RAPGEF3: variants seen among roughly 807,000 people sequenced by gnomAD.
RAPGEF3 encodes the protein 9330170P05Rik.
Under a neutral mutation model 129.8 loss-of-function variants are expected in RAPGEF3, and 103 were observed. The ratio of observed to expected loss-of-function variants is 0.79; its 90% CI spans 0.68 to 0.93. The LOEUF is 0.93. RAPGEF3 is among the 40% of genes least tolerant of loss of function. The pLI is 0.00. For missense variants in RAPGEF3, 1,117 were observed against 1,207.4 expected (o/e 0.93, Z 1.11); for synonymous variants, 436 against 482.6 (o/e 0.90, Z 1.26).
At chr12:47,744,538 C>T (rs577727880) in intron 16 of RAPGEF3, 19 of 177,328 alleles carry the variant, frequency 1.1e-4, no homozygotes, top group South Asian at 2.2e-4. Flanking sequence ...CAAAGCCACA[C>T]AGCTGCTAAC....
intron 12 of RAPGEF3, 47 bp downstream of exon 12, chr12:47,748,407 G>T: frequency 6.5e-7 from 1 of 1,548,072 alleles, no homozygotes; most frequent in Admixed American, 1.7e-5. Context: ...AGGCTCCATG[G>T]ACCACCCAAT....
At chr12:47,741,907 A>G (rs958467051) in intron 18 of RAPGEF3, 4 of 405,252 alleles carry the variant, frequency 9.9e-6, no homozygotes, top group African/African-American at 2.0e-5. Context: ...ACTTGCCCCA[A>G]CTATTTCATA....
In RAPGEF3 at chr12:47,737,697, G is replaced by C. The variant is rs1258330842; in HGVS notation, c.2654-12C>G. ...GGACTGCTCCGAGCCTGGTGGAGGA[G>C]AGTAGTCAGGGAGGCACTGATGCCC... On this transcript the variant is annotated splice_polypyrimidine_tract_variant and intron_variant, in intron 27 of 27. Transcript: ENST00000449771. 1 of 1,610,678 alleles carries C rather than the reference G, an allele frequency of 6.2e-7. No homozygotes were observed. The highest frequency in any genetic ancestry group is 8.5e-7 in the Non-Finnish European group (1 of 1,177,736).
At chr12:47,748,261 G>A in intron 12 of RAPGEF3, 109 bp from the exon 13 acceptor site, 2 of 1,053,214 alleles carry the variant, frequency 1.9e-6, no homozygotes, top group Non-Finnish European at 2.8e-6. Context: ...CACCTGCAAG[G>A]TCCCAGCAGT....
At chr12:47,752,140 G>A (rs1042594353) in intron 2 of RAPGEF3, among the ~76,000 whole-genome samples, 171 bp from the exon 3 acceptor site, 8 of 152,020 alleles carry the variant, frequency 5.3e-5, no homozygotes, top group South Asian at 2.1e-4. Context: ...CCTGTGCCCC[G>A]GGCATCGCCT....
chr12:47,739,357 G>A, intron 23 of RAPGEF3, 127 bp from the exon 24 acceptor site: 2 of 766,070 alleles, frequency 2.6e-6, no homozygotes, highest in Admixed American at 2.0e-5. Context: ...CCTCTCCTCA[G>A]CCCCAGGTCT....
chr12:47,749,991 C>A lies in RAPGEF3; in HGVS notation c.757-1G>T. The A allele has an allele frequency of 6.2e-7, 1 of 1,614,240 alleles. No individual in the cohort carries two copies. Among genetic ancestry groups the A allele is most frequent in the Non-Finnish European group, 8.5e-7 (1 of 1,180,052 alleles). ...GAACAGCCGCTAATTCTCGCTTCACCTGTGTGGTGGAGATAGGAGAGTCGG... is the reference window on the plus strand; with the variant it reads ...GAACAGCCGCTAATTCTCGCTTCACATGTGTGGTGGAGATAGGAGAGTCGG... On this transcript the variant is annotated splice_acceptor_variant, in intron 7 of 27. Coordinates refer to ENST00000449771, the MANE Select transcript of RAPGEF3 (RefSeq NM_001098531.4). LOFTEE classifies it high-confidence loss of function. This position sits in a 1 kb window ranked among gnomAD's most constrained non-coding sequence, Gnocchi z 4.5.
chr12:47,755,311 G>A (rs1941989667), intron 2 of RAPGEF3, among the ~76,000 whole-genome samples: 1 of 152,176 alleles, frequency 6.6e-6, no homozygotes, highest in Non-Finnish European at 1.5e-5. Context: ...GCTGTTGTGA[G>A]AATTATTTGA....
Position 47,749,560 on chromosome 12 carries a change from C to CCCGCACCTG in RAPGEF3, c.895-25_895-24insCAGGTGCGG. On this transcript the variant is annotated intron_variant, in intron 9 of 27. Transcript: ENST00000449771. This position sits in a 1 kb window ranked among gnomAD's most constrained non-coding sequence, Gnocchi z 4.5. The stretch of plus-strand genomic sequence containing the variant: ...CCCTGCAGCCAGGCCTCAGTCTCAG[C>CCCGCACCTG]CCGCCCCTGCCGCCCCTGCCGCCCC... 6.3e-7 allele frequency: 1 copy of CCCGCACCTG among 1,584,774 alleles called. No individual in the cohort carries two copies. The highest frequency in any genetic ancestry group is 8.6e-7 in the Non-Finnish European group (1 of 1,169,408).
rs1454041060 is a variant in RAPGEF3 at position 47,736,443 on chromosome 12, T to TC, written c.*1123dup. ...GCAATAGCAAGGCAAGAGGGTGGAG[T>TC]CCCTGGAGCTTCCTGGGTGAGCTCT... On this transcript the variant is annotated 3_prime_UTR_variant, in exon 28 of 28. Transcript: ENST00000449771. 1 of 152,018 alleles carries TC rather than the reference T, an allele frequency of 6.6e-6. No homozygotes were observed. The highest frequency in any genetic ancestry group is 2.4e-5 in the African/African-American group (1 of 41,358). 9.4% of individuals were successfully genotyped at this position (152,018 alleles called of 1,614,324 possible).
In RAPGEF3 at chr12:47,748,073, T is replaced by C. The variant is rs1941528835; in HGVS notation, c.1322+1A>G. 1 of 1,579,916 alleles carries C rather than the reference T, an allele frequency of 6.3e-7. No individual in the cohort carries two copies. Among genetic ancestry groups the C allele is most frequent in the Non-Finnish European group, 8.6e-7 (1 of 1,161,322 alleles). Reference sequence around the variant, plus strand: ...CCATCCCCCTGGAGCTGGAAGGATATTGGTGCAGAAGGGCAGCGCAGAGTT... The same window carrying C: ...CCATCCCCCTGGAGCTGGAAGGATACTGGTGCAGAAGGGCAGCGCAGAGTT... On this transcript the variant is annotated splice_donor_variant, in intron 13 of 27. Transcript: ENST00000449771. LOFTEE classifies it high-confidence loss of function.
chr12:47,749,729 G>A lies in RAPGEF3; in HGVS notation c.894+12C>T, dbSNP rs368424168. 1.2e-6 allele frequency: 2 copies of A among 1,614,068 alleles called. No individual in the cohort carries two copies. The highest frequency in any genetic ancestry group is 2.7e-5 in the African/African-American group (2 of 75,054). On this transcript the variant is annotated intron_variant, in intron 9 of 27. Coordinates refer to ENST00000449771, the MANE Select transcript of RAPGEF3 (RefSeq NM_001098531.4). The surrounding 1 kb of genome is among the most constrained non-coding windows in gnomAD (Gnocchi z 4.5). ...ACCCAGGGCACTGGGGTGGGGAGGA[G>A]GGAGGGCTCACCTTGCCATGGGTCA... is the stretch of plus-strand genomic sequence containing the variant.
At position 47,749,796 on chromosome 12, in the gene RAPGEF3, C is replaced by T. The variant is rs912774535; in HGVS notation, c.839G>A (p.Gly280Asp). 2 of 1,614,226 alleles carry T rather than the reference C, an allele frequency of 1.2e-6. No individual in the cohort carries two copies. Among genetic ancestry groups the T allele is most frequent in the Non-Finnish European group, 1.7e-6 (2 of 1,180,048 alleles). The change falls in exon 9 of 28, where the codon GGC (glycine) becomes GAC (aspartate). Residue 280 changes from glycine (G) to aspartate (D), a missense_variant. Transcript: ENST00000449771. This position sits in a 1 kb window ranked among gnomAD's most constrained non-coding sequence, Gnocchi z 4.5. ...CTTCCAGATAATGTACCACGAAGTG[C>T]CCTTGTCCCCCTGGCTGAACACTGA... ...GTVLFSQGDK[G>D]TSWYIIWKGS... is the part of the protein sequence containing the mutation.
rs1156953308 is a variant in RAPGEF3, at chr12:47,752,087, T to C, written c.220-118A>G. Reference sequence around the variant, plus strand: ...TAGGCCCCAACCCCAAATGCATCCATGTGGCCACTCCTTCAGCAAATAAAC... The same window carrying C: ...TAGGCCCCAACCCCAAATGCATCCACGTGGCCACTCCTTCAGCAAATAAAC... On this transcript the variant is annotated intron_variant, in intron 2 of 27. Transcript: ENST00000449771. 3 of 1,046,564 alleles carry C rather than the reference T, an allele frequency of 2.9e-6. No individual in the cohort carries two copies. The Admixed American group carries it at 6.0e-5, about 21-fold the overall frequency. The allele number at this position is 1,046,564 out of a possible 1,614,324, so 64.8% of individuals were successfully genotyped here.
chr12:47,745,630 A>C (rs779877847), intron 16 of RAPGEF3: 1 of 151,928 alleles, frequency 6.6e-6, no homozygotes, highest in Non-Finnish European at 1.5e-5. Flanking sequence ...TCTGCACTGG[A>C]GTTGGCTCTT....
intron 16 of RAPGEF3, chr12:47,744,372 G>T: frequency 5.5e-6 from 2 of 364,116 alleles, no homozygotes; most frequent in African/African-American, 2.1e-5. Context: ...TGCTGACTTT[G>T]GTTTTCTCTT....
intron 17 of RAPGEF3, 43 bp downstream of exon 17, chr12:47,743,944 G>T (rs763408975): frequency 9.8e-6 from 15 of 1,526,742 alleles, no homozygotes; most frequent in Admixed American, 3.3e-5. Flanking sequence ...GAGACAGCAG[G>T]GTGCAGATGT....
rs200077747 is a variant in RAPGEF3, at chr12:47,743,958, G to C, written c.1678+29C>G. The C allele has an allele frequency of 4.0e-4, 619 of 1,545,664 alleles. 4 individuals are homozygous for C. In the African/African-American group the frequency reaches 7.1e-3, roughly 18 times the overall value. On this transcript the variant is annotated intron_variant, in intron 17 of 27. Transcript: ENST00000449771. The stretch of plus-strand genomic sequence containing the variant: ...AGAGACAGCAGGGTGCAGATGTCGG[G>C]CTGTGCCCAGCCGGCACAGACCACC...
At position 47,749,628 on chromosome 12, in the gene RAPGEF3, A is replaced by G; in HGVS notation, c.895-92T>C. 1 of 1,558,852 alleles carries G rather than the reference A, an allele frequency of 6.4e-7. No individual in the cohort carries two copies. The highest frequency in any genetic ancestry group is 8.7e-7 in the Non-Finnish European group (1 of 1,151,116). ...GACCCACGGCAGGAGAACAACCCAC[A>G]CAGGAGACACGGGGTCAGCAGCAGT... On this transcript the variant is annotated intron_variant, in intron 9 of 27. Transcript: ENST00000449771. This position sits in a 1 kb window ranked among gnomAD's most constrained non-coding sequence, Gnocchi z 4.5.
Sources: allele counts gnomAD v4.1 joint callset (sites outside exome capture counted in the v4.1 genomes callset), GRCh38; gene constraint gnomAD v4.1.1; non-coding constraint Gnocchi (gnomAD v3.1); transcripts MANE v1.5; gene names NCBI Gene and HGNC (gene_info 2026-07-23, HGNC 2026-07-21).